The following LSMEM1 variants were observed in gnomAD, a reference collection of about 807,000 sequenced individuals.
LSMEM1 encodes leucine-rich single-pass membrane protein 1.
In LSMEM1, 10 loss-of-function variants were observed where a neutral mutation model predicts 11.3. That is an observed-to-expected ratio of 0.89 (90% CI 0.55 to 1.50). The LOEUF (loss-of-function observed/expected upper bound fraction) is 1.50. LSMEM1 is among the 40% of genes most tolerant of loss of function. LSMEM1 has a pLI of 0.00. For missense variants in LSMEM1, 151 were observed against 152.9 expected, an observed-to-expected ratio of 0.99 and a Z score of 0.06; for synonymous variants, 65 against 59.3, an observed-to-expected ratio of 1.10 and a Z score of -0.44.
intron 1 of LSMEM1, among the ~76,000 whole-genome samples, 198 bp downstream of exon 1, chr7:112,481,544 T>C (rs1278538000): frequency 6.6e-6 from 1 of 152,228 alleles, no homozygotes; most frequent in African/African-American, 2.4e-5. Context: ...ACTCATTCAA[T>C]AACACTGCTT....
rs767027051 is a variant in LSMEM1 at position 112,487,048 on chromosome 7, A to G, written c.253A>G (p.Ile85Val). 1 of 1,614,000 alleles carries G rather than the reference A, an allele frequency of 6.2e-7. No homozygotes were observed. Among genetic ancestry groups the G allele is most frequent in the South Asian group, 1.1e-5 (1 of 91,078 alleles). ...ACTGGTTTTTTTCGTGATATTTCTA[A>G]TAGGTAAGTACCACCACAGGTTTCT... ...LALVFFVIFL[I>V]VQTGNKMDDV... Residue 85 changes from isoleucine (I) to valine (V), a missense_variant, in exon 3 of 4, where the codon ATA becomes GTA. By Grantham distance (29) the Ile-to-Val change is conservative. Transcript: ENST00000312849.
chr7:112,484,396 A>G (rs1485829792), intron 1 of LSMEM1, among the ~76,000 whole-genome samples: 1 of 152,214 alleles, frequency 6.6e-6, no homozygotes. Flanking sequence ...GTCTTCTTGC[A>G]CAAAGGATTT....
intron 2 of LSMEM1, 87 bp downstream of exon 2, chr7:112,485,030 GT>G: frequency 2.8e-6 from 4 of 1,405,382 alleles, no homozygotes; most frequent in African/African-American, 1.5e-5. Context: ...TGTGGGTGTG[GT>G]GGAGGGGGAG....
chr7:112,485,374 G>T (rs1410605706), intron 2 of LSMEM1, among the ~76,000 whole-genome samples: 1 of 152,046 alleles, frequency 6.6e-6, no homozygotes, highest in Admixed American at 6.5e-5. Context: ...GTTACAAATT[G>T]TGCAATTAAG....
At chr7:112,488,866 G>A (rs1446864249) in intron 3 of LSMEM1, among the ~76,000 whole-genome samples, 1 of 152,256 alleles carries the variant, frequency 6.6e-6, no homozygotes, top group African/African-American at 2.4e-5. Flanking sequence ...CAAAGTGCTG[G>A]GATTATAGGC....
chr7:112,481,104 T>C lies in LSMEM1; in HGVS notation c.-248T>C, dbSNP rs2117356761. 6.1e-6 allele frequency: 2 copies of C among 327,906 alleles called. No individual in the cohort carries two copies. The highest frequency in any genetic ancestry group is 1.7e-4 in the East Asian group (2 of 11,754). The allele number at this position is 327,906 out of a possible 1,614,324, so 20.3% of individuals were successfully genotyped here. ...TATTTACTAAAAACCTTAGACATTA[T>C]GAAAAAAGTCAGGATTTGGAATCTT... On this transcript the variant is annotated 5_prime_UTR_variant, in exon 1 of 4. An upstream start codon of the reference 5' UTR is lost. Coordinates refer to ENST00000312849, the MANE Select transcript of LSMEM1 (RefSeq NM_182597.3).
At chr7:112,486,480 T>G in intron 2 of LSMEM1, 1 of 402,098 alleles carries the variant, frequency 2.5e-6, no homozygotes, top group South Asian at 1.7e-5. Flanking sequence ...AAGACATTCC[T>G]AAAACAGAAG....
At chr7:112,486,409 G>A (rs1183100095) in intron 2 of LSMEM1, 3 of 448,298 alleles carry the variant, frequency 6.7e-6, no homozygotes, top group Admixed American at 2.4e-5. Context: ...GCTTAACCCT[G>A]CTTATTCCTT....
intron 3 of LSMEM1, among the ~76,000 whole-genome samples, chr7:112,488,370 G>A (rs1584517196): frequency 2.0e-5 from 3 of 152,232 alleles, no homozygotes; most frequent in African/African-American, 7.2e-5. Flanking sequence ...ACCCGCCTGG[G>A]GGTAATGACG....
rs1796208464 is a variant in LSMEM1, at chr7:112,490,024, T to C, written c.*75T>C. On this transcript the variant is annotated 3_prime_UTR_variant, in exon 4 of 4. Coordinates refer to ENST00000312849, the MANE Select transcript of LSMEM1 (RefSeq NM_182597.3). The stretch of plus-strand genomic sequence containing the variant: ...CCTGGGAGTGTACAGGGTTAGGAAC[T>C]GAGAAAGTGCACTTCCTCAGGCAAC... The C allele has an allele frequency of 6.7e-7, 1 of 1,486,254 alleles. No homozygotes were observed. Among genetic ancestry groups the C allele is most frequent in the Non-Finnish European group, 9.0e-7 (1 of 1,110,832 alleles). The allele number at this position is 1,486,254 out of a possible 1,614,324, so 92.1% of individuals were successfully genotyped here. A position where few individuals can be genotyped will look rare whatever the true frequency, so the allele number is the denominator to read the frequency against.
intron 1 of LSMEM1, among the ~76,000 whole-genome samples, chr7:112,483,970 T>C (rs1396553863): frequency 6.6e-6 from 1 of 152,260 alleles, no homozygotes; most frequent in Non-Finnish European, 1.5e-5. Flanking sequence ...TCTGTTGTGC[T>C]AGAGATACAT....
At chr7:112,480,480 C>A (rs188132859), upstream of LSMEM1, among the ~76,000 whole-genome samples, 3 of 152,340 alleles carry the variant, frequency 2.0e-5, no homozygotes, top group East Asian at 5.8e-4. Context: ...AAGGATTGCA[C>A]AGTTGTTCAC....
At chr7:112,486,397 T>A in intron 2 of LSMEM1, 1 of 453,390 alleles carries the variant, frequency 2.2e-6, no homozygotes, top group East Asian at 7.0e-5. Context: ...TCTAAGGAGA[T>A]AGCTTAACCC....
intron 3 of LSMEM1, among the ~76,000 whole-genome samples, chr7:112,487,480 A>G (rs62474611): frequency 0.14 from 20,942 of 152,272 alleles, 1,613 homozygotes; most frequent in South Asian, 0.3. Flanking sequence ...CATCCTAGAC[A>G]TCAATGAGAA....
rs150496044 is a variant in LSMEM1 at position 112,486,951 on chromosome 7, C to T, written c.156C>T (p.Gly52=). ...TAGAGGACAAAATCCCAGTCCTTGG[C>T]ACAAACTCAGGAAATGGAAGCCGGA... is the stretch of plus-strand genomic sequence containing the variant. ...FPLEDKIPVL[G]TNSGNGSRSL... The change falls in exon 3 of 4, where the codon GGC becomes GGT. Residue 52 remains glycine (G), a synonymous_variant. Transcript: ENST00000312849. 16 of 1,613,990 alleles carry T rather than the reference C, an allele frequency of 9.9e-6. No homozygotes were observed. The African/African-American group carries it at 2.0e-4, about 20-fold the overall frequency.
In LSMEM1 at chr7:112,486,933, C is replaced by T. The variant is rs1211739191; in HGVS notation, c.138C>T (p.Asp46=). 1 of 1,614,038 alleles carries T rather than the reference C, an allele frequency of 6.2e-7. No individual in the cohort carries two copies. The highest frequency in any genetic ancestry group is 1.7e-5 in the Admixed American group (1 of 59,992). The change falls in exon 3 of 4, where the codon GAC becomes GAT. Residue 46 remains aspartate, a synonymous_variant. Transcript: ENST00000312849. ...AGSQHLFPLE[D]KIPVLGTNSG... ...TTTGTTTCATATTAGCTCTAGAGGA[C>T]AAAATCCCAGTCCTTGGCACAAACT...
At chr7:112,486,882 T>C in intron 2 of LSMEM1, 41 bp from the exon 3 acceptor site, 1 of 1,612,824 alleles carries the variant, frequency 6.2e-7, no homozygotes, top group Non-Finnish European at 8.5e-7. Flanking sequence ...AGTTGTATGC[T>C]GAGCAGTTTT....
chr7:112,485,595 A>G (rs1796113490), intron 2 of LSMEM1, among the ~76,000 whole-genome samples: 3 of 152,022 alleles, frequency 2.0e-5, no homozygotes, highest in African/African-American at 7.3e-5. Context: ...TTTTATATCT[A>G]TTATTTCCTG....
At chr7:112,480,368 T>C (rs2117355435), upstream of LSMEM1, among the ~76,000 whole-genome samples, 1 of 152,288 alleles carries the variant, frequency 6.6e-6, no homozygotes, top group Non-Finnish European at 1.5e-5. Context: ...AGACTCTGTC[T>C]CAAAGAAAAT....
Sources: gnomAD v4.1 joint callset for allele counts (sites outside exome capture counted in the v4.1 genomes callset) on GRCh38, gnomAD v4.1.1 for gene constraint, MANE v1.5 for transcripts, NCBI Gene and HGNC (gene_info 2026-07-23, HGNC 2026-07-21) for gene names.